The following IL23R variants were observed in gnomAD, a reference collection of about 807,000 sequenced individuals.
IL23R encodes interleukin-23 receptor.
IL23R carries 34 observed loss-of-function variants against 56.9 expected under a neutral mutation model. The ratio of observed to expected loss-of-function variants is 0.60; its 90% CI spans 0.45 to 0.80. The LOEUF (loss-of-function observed/expected upper bound fraction) is 0.80, where lower values mean the gene tolerates loss of function less well. Among genes scored for constraint, IL23R ranks in the 30% least tolerant of loss-of-function variants. The pLI, the probability that IL23R is intolerant of heterozygous loss-of-function variation, is 0.00. For synonymous variants in IL23R, 230 were observed against 249.2 expected (o/e 0.92, Z 0.73); for missense variants, 635 against 730.0 (o/e 0.87, Z 1.50).
chr1:67,200,109 G>T (rs1054817713), intron 4 of IL23R, among the ~76,000 whole-genome samples: 7 of 151,990 alleles, frequency 4.6e-5, no homozygotes, highest in Non-Finnish European at 1.0e-4. Context: ...GTGTGATCTC[G>T]GCTCACTGCA....
At chr1:67,241,245 G>A (rs1651832982) in intron 9 of IL23R, among the ~76,000 whole-genome samples, 1 of 152,196 alleles carries the variant, frequency 6.6e-6, no homozygotes, top group African/African-American at 2.4e-5. Flanking sequence ...CTGGGAAACA[G>A]TAGAACAGTG....
intron 1 of IL23R, among the ~76,000 whole-genome samples, chr1:67,155,170 G>C (rs1646760930): frequency 6.6e-6 from 1 of 152,194 alleles, no homozygotes; most frequent in African/African-American, 2.4e-5. Flanking sequence ...CTGTTAGTCT[G>C]ATGGGCTTCC....
intron 7 of IL23R, among the ~76,000 whole-genome samples, chr1:67,229,941 AAG>A: frequency 6.6e-6 from 1 of 152,354 alleles, no homozygotes; most frequent in Non-Finnish European, 1.5e-5. Flanking sequence ...CTTAAGCAGA[AAG>A]AGAATTATTA....
intron 3 of IL23R, among the ~76,000 whole-genome samples, chr1:67,180,376 G>A (rs2369367): frequency 2.6e-5 from 4 of 151,994 alleles, no homozygotes; most frequent in African/African-American, 7.2e-5. Flanking sequence ...TTATGTAATG[G>A]CCTTTTTTGT....
At chr1:67,152,135 C>T (rs1646733915) in intron 1 of IL23R, among the ~76,000 whole-genome samples, 2 of 152,110 alleles carry the variant, frequency 1.3e-5, no homozygotes, top group African/African-American at 4.8e-5. Context: ...TCTCTGATTT[C>T]CTTGAGCAGT....
intron 6 of IL23R, among the ~76,000 whole-genome samples, chr1:67,216,370 A>G (rs1649834121): frequency 6.6e-6 from 1 of 152,198 alleles, no homozygotes; most frequent in South Asian, 2.1e-4. Flanking sequence ...ATGGTGTCCA[A>G]CTTTAGTGAC....
chr1:67,254,462 C>G (rs1652831717), intron 9 of IL23R, among the ~76,000 whole-genome samples: 1 of 151,764 alleles, frequency 6.6e-6, no homozygotes, highest in South Asian at 2.1e-4. Flanking sequence ...TGTATAAAAA[C>G]TTTACTCCAA....
At chr1:67,155,979 G>A (rs1389142049) in intron 1 of IL23R, among the ~76,000 whole-genome samples, 4 of 152,050 alleles carry the variant, frequency 2.6e-5, no homozygotes, top group Non-Finnish European at 5.9e-5. Context: ...GGTTTTTGTG[G>A]GGGCATCTTT....
intron 1 of IL23R, among the ~76,000 whole-genome samples, chr1:67,143,039 T>C (rs1646652141): frequency 6.6e-6 from 1 of 152,278 alleles, no homozygotes; most frequent in Non-Finnish European, 1.5e-5. Flanking sequence ...CTTTCTTAGA[T>C]AGTGAGAGAT....
chr1:67,165,328 A>G (rs1211341535), upstream of IL23R, among the ~76,000 whole-genome samples: 1 of 152,236 alleles, frequency 6.6e-6, no homozygotes, highest in Non-Finnish European at 1.5e-5. Context: ...GAGGGTACAG[A>G]GAAAGGGCAG....
chr1:67,243,313 CTTT>C (rs56982680), intron 9 of IL23R, among the ~76,000 whole-genome samples: 1 of 151,152 alleles, frequency 6.6e-6, no homozygotes, highest in Non-Finnish European at 1.5e-5. Context: ...GCGGATTTCT[CTTT>C]TTTTTTCTTA....
chr1:67,197,039 A>G (rs1287102741), intron 4 of IL23R, among the ~76,000 whole-genome samples: 2 of 152,230 alleles, frequency 1.3e-5, no homozygotes, highest in African/African-American at 4.8e-5. Flanking sequence ...GGTGAAGCTG[A>G]GAAGGGAGTG....
chr1:67,155,714 G>C (rs111832751), intron 1 of IL23R, among the ~76,000 whole-genome samples: 5 of 152,208 alleles, frequency 3.3e-5, no homozygotes, highest in African/African-American at 1.2e-4. Context: ...AAGGTTCTTA[G>C]CTTCTTTGCA....
At chr1:67,192,785 C>T (rs1647846906) in intron 4 of IL23R, among the ~76,000 whole-genome samples, 1 of 152,114 alleles carries the variant, frequency 6.6e-6, no homozygotes, top group Non-Finnish European at 1.5e-5. Flanking sequence ...ATGACCTCAC[C>T]ACCTACACTG....
chr1:67,219,826 G>C, intron 7 of IL23R, 96 bp downstream of exon 7: 4 of 1,203,766 alleles, frequency 3.3e-6, no homozygotes, highest in Non-Finnish European at 3.7e-6. Flanking sequence ...AGCACTTTGA[G>C]AGGCCAAGGC....
chr1:67,155,653 G>T (rs941607343), intron 1 of IL23R, among the ~76,000 whole-genome samples: 2 of 152,076 alleles, frequency 1.3e-5, no homozygotes, highest in African/African-American at 4.8e-5. Flanking sequence ...CATCATTTAT[G>T]TTCCTCTCTA....
rs1239064654 is a variant in IL23R at position 67,258,685 on chromosome 1, G to A, written c.1447G>A (p.Gly483Arg). 1 of 1,613,690 alleles carries A rather than the reference G, an allele frequency of 6.2e-7. No homozygotes were observed. The highest frequency in any genetic ancestry group is 8.5e-7 in the Non-Finnish European group (1 of 1,179,890). ...TGTATATATTCCTGATCTCAACACT[G>A]GATATAAACCCCAAATTTCAAATTT... The part of the protein sequence containing the change: ...TVVYIPDLNT[G>R]YKPQISNFLP... Residue 483 changes from glycine (G) to arginine (R), a missense_variant, in exon 11 of 11, where the codon GGA (glycine) becomes AGA (arginine). Physicochemically the swap from Gly to Arg is moderately radical, Grantham distance 125 (BLOSUM62 -2). Transcript: ENST00000347310.
chr1:67,219,428 G>A (rs541395094), intron 6 of IL23R, 146 bp from the exon 7 acceptor site: 117 of 706,478 alleles, frequency 1.7e-4, no homozygotes, highest in South Asian at 1.6e-3. Flanking sequence ...GATTATGTAC[G>A]GCCACGTTTT....
At chr1:67,240,841 CA>C (rs113012344) in intron 9 of IL23R, among the ~76,000 whole-genome samples, 10 of 148,164 alleles carry the variant, frequency 6.7e-5, no homozygotes, top group South Asian at 2.1e-4. Flanking sequence ...AATGTATAGA[CA>C]AAAAAAAAAG....
Sources: allele counts gnomAD v4.1 joint callset (sites outside exome capture counted in the v4.1 genomes callset), GRCh38; gene constraint gnomAD v4.1.1; transcripts MANE v1.5; gene names NCBI Gene and HGNC (gene_info 2026-07-23, HGNC 2026-07-21).